MITD1: variants seen among roughly 807,000 people sequenced by gnomAD.
MITD1 encodes the protein MIT domain-containing protein 1.
In MITD1, 24 loss-of-function variants were observed where a neutral mutation model predicts 34.9. The observed-to-expected ratio is 0.69, with a 90% CI of 0.50 to 0.97. The LOEUF (loss-of-function observed/expected upper bound fraction) is 0.97. Among genes scored for constraint, MITD1 ranks in the 50% least tolerant of loss-of-function variants. The probability of loss-of-function intolerance (pLI) is 0.00; values close to 1 mark genes in which losing one functional copy is unlikely to be tolerated. For missense variants in MITD1, 266 were observed against 294.6 expected (o/e 0.90, Z 0.71); for synonymous variants, 102 against 101.4 (o/e 1.01, Z -0.04).
chr2:99,174,142 C>T (rs548685816), intron 1 of MITD1, 126 bp from the exon 2 acceptor site: 1 of 571,214 alleles, frequency 1.8e-6, no homozygotes, highest in South Asian at 2.3e-5. Context: ...CCTCAGTCCT[C>T]AAACACACAC....
intron 2 of MITD1, 179 bp from the exon 3 acceptor site, chr2:99,171,825 G>A: frequency 1.6e-6 from 1 of 607,008 alleles, no homozygotes; most frequent in Non-Finnish European, 2.8e-6. Flanking sequence ...CACGTACAAA[G>A]GTATTTAAGG....
At chr2:99,166,968 T>C (rs1203608250), downstream of MITD1, among the ~76,000 whole-genome samples, 5 of 149,724 alleles carry the variant, frequency 3.3e-5, no homozygotes, top group African/African-American at 1.2e-4. Flanking sequence ...TACAGAAAAA[T>C]TTCTTTATGC....
chr2:99,168,234 AG>A (rs1042762164), downstream of MITD1, among the ~76,000 whole-genome samples: 32 of 152,098 alleles, frequency 2.1e-4, no homozygotes, highest in African/African-American at 7.2e-4. Context: ...CTCCACCTCC[AG>A]GGTTCAAGCA....
chr2:99,169,331 A>G lies in MITD1; in HGVS notation c.*44T>C, dbSNP rs751736318. 3.1e-6 allele frequency: 3 copies of G among 976,236 alleles called. No individual in the cohort carries two copies. Among genetic ancestry groups the G allele is most frequent in the Admixed American group, 2.4e-5 (1 of 41,994 alleles). 60.5% of individuals were successfully genotyped at this position (976,236 alleles called of 1,614,324 possible). On this transcript the variant is annotated 3_prime_UTR_variant, in exon 7 of 7. Coordinates refer to ENST00000289359, the MANE Select transcript of MITD1 (RefSeq NM_138798.3). Reference sequence around the variant, plus strand: ...AAAGTGATCTTTTAAAAAAAATCCAATATTCACTTAAAGTAGACATAATAC... The same window carrying G: ...AAAGTGATCTTTTAAAAAAAATCCAGTATTCACTTAAAGTAGACATAATAC...
At chr2:99,168,330 G>A (rs373714291), downstream of MITD1, among the ~76,000 whole-genome samples, 2 of 152,230 alleles carry the variant, frequency 1.3e-5, no homozygotes. Context: ...TAATAAAGAC[G>A]GGGTTTCTCC....
At chr2:99,162,898 C>A in intron 7 of MITD1, 1 of 1,613,088 alleles carries the variant, frequency 6.2e-7, no homozygotes. Context: ...AATATTGAAG[C>A]ACCTGATCAT....
chr2:99,166,637 TGGA>T (rs1018948163), downstream of MITD1, among the ~76,000 whole-genome samples: 1 of 151,768 alleles, frequency 6.6e-6, no homozygotes, highest in Non-Finnish European at 1.5e-5. Context: ...CAAGTCCTTG[TGGA>T]GGCTAAAGGA....
Position 99,171,413 on chromosome 2 carries a change from C to T in MITD1, c.407G>A (p.Arg136Gln), listed in dbSNP as rs373110802. 2 of 1,611,712 alleles carry T rather than the reference C, an allele frequency of 1.2e-6. No homozygotes were observed. Among genetic ancestry groups the T allele is most frequent in the East Asian group, 2.2e-5 (1 of 44,738 alleles). ...RHTHQLYNFLRFCEMLIKRPC... is the reference protein window; with the variant it reads ...RHTHQLYNFLQFCEMLIKRPC... ...TCTCTTAATAAGCATCTCACAAAAT[C>T]GAAGAAAGTTATACAGCTAAAAGAC... The change falls in exon 4 of 7, where the codon CGA (arginine) becomes CAA (glutamine). Residue 136 changes from arginine (R) to glutamine (Q), a missense_variant. Transcript: ENST00000289359.
At chr2:99,164,061 TG>T (rs1038473965) in intron 7 of MITD1, among the ~76,000 whole-genome samples, 2 of 152,182 alleles carry the variant, frequency 1.3e-5, no homozygotes, top group Non-Finnish European at 2.9e-5. Context: ...CAGGTGATGC[TG>T]GGGGGAAAGA....
At chr2:99,170,835 A>C (rs2093852376) in intron 4 of MITD1, 183 bp from the exon 5 acceptor site, 1 of 387,612 alleles carries the variant, frequency 2.6e-6, no homozygotes, top group African/African-American at 2.0e-5. Context: ...TTTTTATCAA[A>C]ATCATCTTTT....
chr2:99,166,180 A>T (rs1354496448), downstream of MITD1, among the ~76,000 whole-genome samples: 2 of 151,472 alleles, frequency 1.3e-5, no homozygotes, highest in African/African-American at 4.9e-5. Flanking sequence ...TTAGGGAAAG[A>T]GTGTGAATTA....
chr2:99,171,890 T>C (rs1574828230), intron 2 of MITD1: 1 of 424,668 alleles, frequency 2.4e-6, no homozygotes, highest in Non-Finnish European at 4.2e-6. Context: ...AGGGGGAAAA[T>C]CTAGAGGTTT....
intron 1 of MITD1, 135 bp downstream of exon 1, chr2:99,180,696 G>A (rs1219722047): frequency 1.3e-6 from 1 of 771,574 alleles, no homozygotes; most frequent in African/African-American, 1.7e-5. Flanking sequence ...TTGTCCTATA[G>A]AATATCCCAC....
intron 1 of MITD1, among the ~76,000 whole-genome samples, chr2:99,179,315 GCTCCGACTGTGA>G (rs1005928971): frequency 1.3e-5 from 2 of 152,122 alleles, no homozygotes; most frequent in African/African-American, 4.8e-5. Context: ...GGGGCCTTGG[GCTCCGACTGTGA>G]CTCTACCACC....
At chr2:99,172,082 A>G (rs541078231) in intron 2 of MITD1, 2 of 162,108 alleles carry the variant, frequency 1.2e-5, no homozygotes, top group Non-Finnish European at 2.7e-5. Flanking sequence ...TAATAACTAA[A>G]GTGAGTATTA....
chr2:99,163,453 G>A (rs918863880), intron 7 of MITD1, among the ~76,000 whole-genome samples: 1 of 151,770 alleles, frequency 6.6e-6, no homozygotes. Context: ...TCAGCCTCCC[G>A]AGTAGTGGGA....
chr2:99,167,410 T>G (rs1002130897), downstream of MITD1, among the ~76,000 whole-genome samples: 23 of 152,232 alleles, frequency 1.5e-4, no homozygotes. Context: ...CCTGGTAGGC[T>G]TCTGGTGCTC....
At chr2:99,169,872 A>C (rs2093845836) in intron 5 of MITD1, among the ~76,000 whole-genome samples, 1 of 152,210 alleles carries the variant, frequency 6.6e-6, no homozygotes, top group South Asian at 2.1e-4. Context: ...TGTTCTGCTA[A>C]CAAGTGGTGG....
At chr2:99,171,668 A>G in intron 2 of MITD1, 22 bp from the exon 3 acceptor site, 2 of 1,591,162 alleles carry the variant, frequency 1.3e-6, no homozygotes, top group African/African-American at 2.7e-5. Flanking sequence ...AGGCTTCAAC[A>G]GTAAAACCAG....
Sources: gnomAD v4.1 joint callset for allele counts (sites outside exome capture counted in the v4.1 genomes callset) on GRCh38, gnomAD v4.1.1 for gene constraint, MANE v1.5 for transcripts, NCBI Gene and HGNC (gene_info 2026-07-23, HGNC 2026-07-21) for gene names.